BTN1A1: variants seen among roughly 807,000 people sequenced by gnomAD.
BTN1A1 encodes the protein butyrophilin subfamily 1 member A1.
Under a neutral mutation model 33.1 loss-of-function variants are expected in BTN1A1, and 26 were observed. The observed-to-expected ratio is 0.79, with a 90% CI of 0.58 to 1.09. BTN1A1 has a LOEUF of 1.09. BTN1A1 is among the 50% of genes least tolerant of loss of function. The pLI is 0.00. For synonymous variants in BTN1A1, 235 were observed against 256.2 expected (o/e 0.92, Z 0.79); for missense variants, 558 against 655.7 (o/e 0.85, Z 1.63).
rs1225476330 is a variant in BTN1A1, at chr6:26,501,564, G to A, written c.80-26G>A. ...TCCGTAGTTCCCATCTCCACATCCC[G>A]TCTGATCCCGCTCGTTTTTCGGCAG... On this transcript the variant is annotated intron_variant, in intron 2 of 7. Transcript: ENST00000684113. The surrounding 1 kb of genome is among the most constrained non-coding windows in gnomAD (Gnocchi z 5.2). The A allele has an allele frequency of 1.2e-6, 2 of 1,610,836 alleles. No homozygotes were observed. Among genetic ancestry groups the A allele is most frequent in the South Asian group, 1.1e-5 (1 of 90,940 alleles).
Position 26,501,296 on chromosome 6 carries a change from T to C in BTN1A1, c.10T>C (p.Phe4Leu), listed in dbSNP as rs1255727546. 1 of 1,614,098 alleles carries C rather than the reference T, an allele frequency of 6.2e-7. No homozygotes were observed. Among genetic ancestry groups the C allele is most frequent in the Non-Finnish European group, 8.5e-7 (1 of 1,179,990 alleles). Residue 4 changes from phenylalanine (F) to leucine (L), a missense_variant, in exon 2 of 8, where the codon TTC becomes CTC. By Grantham distance (22) the Phe-to-Leu change is conservative (BLOSUM62 0). Coordinates refer to ENST00000684113, the MANE Select transcript of BTN1A1 (RefSeq NM_001732.3). The surrounding 1 kb of genome is among the most constrained non-coding windows in gnomAD (Gnocchi z 5.2). ...TCCAGAAGGGTGGGAGATGGCAGTT[T>C]TCCCAAGCTCCGGTCTCCCCAGATG... is the stretch of plus-strand genomic sequence containing the variant. MAVFPSSGLPRCLL... is the reference protein window; with the variant it reads MAVLPSSGLPRCLL...
chr6:26,502,057 C>T (rs1763808333), intron 3 of BTN1A1, 120 bp downstream of exon 3: 1 of 1,325,592 alleles, frequency 7.5e-7, no homozygotes, highest in Non-Finnish European at 9.7e-7. Flanking sequence ...TTGATGTCGC[C>T]GGGGAGGGAC....
chr6:26,503,581 A>G (rs1763830592), intron 3 of BTN1A1, among the ~76,000 whole-genome samples: 2 of 150,968 alleles, frequency 1.3e-5, no homozygotes, highest in Admixed American at 6.6e-5. Flanking sequence ...ACTGATCTAA[A>G]ACATATAATA....
chr6:26,505,199 C>T lies in BTN1A1; in HGVS notation c.702C>T (p.Ser234=), dbSNP rs1173863689. The T allele has an allele frequency of 2.5e-6, 4 of 1,613,080 alleles. No homozygotes were observed. Among genetic ancestry groups the T allele is most frequent in the South Asian group, 2.2e-5 (2 of 91,050 alleles). The part of the protein sequence containing the change: ...LLGQEKKVEI[S]IPASSLPRLT... Reference sequence around the variant, plus strand: ...GCCAGGAGAAGAAAGTAGAAATATCCATACCAGGTTAGTGGAACCAATGCT... The same window carrying T: ...GCCAGGAGAAGAAAGTAGAAATATCTATACCAGGTTAGTGGAACCAATGCT... Residue 234 remains serine, a synonymous_variant, in exon 4 of 8, where the codon TCC becomes TCT. Transcript: ENST00000684113.
In BTN1A1 at chr6:26,509,880, T is replaced by C. The variant is rs1239041567; in HGVS notation, c.*706T>C. The C allele has an allele frequency of 6.6e-6, 1 of 152,274 alleles. No individual in the cohort carries two copies. The highest frequency in any genetic ancestry group is 1.5e-5 in the Non-Finnish European group (1 of 68,062). The allele number at this position is 152,274 out of a possible 1,614,324, so 9.4% of individuals were successfully genotyped here. The stretch of plus-strand genomic sequence containing the variant: ...TTTTTGACAAAACTCAAAAGTTGTT[T>C]GCACAGCTGTTCTTTGTACCCTGTT... On this transcript the variant is annotated 3_prime_UTR_variant, in exon 8 of 8. Transcript: ENST00000684113.
At chr6:26,507,534 T>C (rs1763886548) in intron 5 of BTN1A1, among the ~76,000 whole-genome samples, 1 of 152,086 alleles carries the variant, frequency 6.6e-6, no homozygotes, top group South Asian at 2.1e-4. Flanking sequence ...AAGACCAGAC[T>C]GGACAACATG....
At chr6:26,508,223 C>T in intron 7 of BTN1A1, 136 bp downstream of exon 7, 3 of 1,204,024 alleles carry the variant, frequency 2.5e-6, no homozygotes, top group Non-Finnish European at 3.5e-6. Flanking sequence ...CAGATGGCCT[C>T]AACAGTTTCT....
Position 26,508,490 on chromosome 6 carries a change from T to C in BTN1A1, c.908-11T>C, listed in dbSNP as rs1040065853. 2 of 1,604,030 alleles carry C rather than the reference T, an allele frequency of 1.2e-6. No homozygotes were observed. Among genetic ancestry groups the C allele is most frequent in the African/African-American group, 2.7e-5 (2 of 74,652 alleles). ...TCACTGATGTCAGACCTGCTGTTTC[T>C]TTCTCTCCAGTTGATGTGACTCTGG... is the stretch of plus-strand genomic sequence containing the variant. On this transcript the variant is annotated splice_polypyrimidine_tract_variant and intron_variant, in intron 7 of 7. Transcript: ENST00000684113.
rs138558073 is a variant in BTN1A1, at chr6:26,503,997, A to C, written c.428-928A>C. 3.3e-3 allele frequency among the ~76,000 whole-genome samples: 497 copies of C among 152,306 alleles called. 2 individuals carry two copies. Among genetic ancestry groups the C allele is most frequent in the Non-Finnish European group, 5.5e-3 (376 of 68,020 alleles). On this transcript the variant is annotated intron_variant, in intron 3 of 7. Coordinates refer to ENST00000684113, the MANE Select transcript of BTN1A1 (RefSeq NM_001732.3). ...ACCAGTGGTTGTGGAAATGTGTTTA[A>C]GAGCTCTTTTATGCAGCTCAGTGTT... is the stretch of plus-strand genomic sequence containing the variant.
At chr6:26,504,218 C>T (rs950106987) in intron 3 of BTN1A1, among the ~76,000 whole-genome samples, 4 of 152,150 alleles carry the variant, frequency 2.6e-5, no homozygotes, top group African/African-American at 9.7e-5. Context: ...AATCGCCAAT[C>T]CTCTCCTCAA....
Position 26,509,252 on chromosome 6 carries a change from T to G in BTN1A1, c.*78T>G. On this transcript the variant is annotated 3_prime_UTR_variant, in exon 8 of 8. Transcript: ENST00000684113. Reference sequence around the variant, plus strand: ...CCTTCTGAGGCTTCACCTGCTAGCTTTACCCAGTCTGTTTCTTCCTGTTGG... The same window carrying G: ...CCTTCTGAGGCTTCACCTGCTAGCTGTACCCAGTCTGTTTCTTCCTGTTGG... 1 of 1,307,784 alleles carries G rather than the reference T, an allele frequency of 7.6e-7. No homozygotes were observed. The highest frequency in any genetic ancestry group is 1.1e-6 in the Non-Finnish European group (1 of 947,336). 81.0% of individuals were successfully genotyped at this position (1,307,784 alleles called of 1,614,324 possible). A position where few individuals can be genotyped will look rare whatever the true frequency, so the allele number is the denominator to read the frequency against.
At chr6:26,507,120 C>A (rs1217459293) in intron 5 of BTN1A1, among the ~76,000 whole-genome samples, 2 of 152,152 alleles carry the variant, frequency 1.3e-5, no homozygotes, top group Admixed American at 1.3e-4. Context: ...ACTCGGGAGG[C>A]TGAGGCAGGA....
intron 5 of BTN1A1, among the ~76,000 whole-genome samples, chr6:26,507,228 G>C (rs958655905): frequency 3.9e-5 from 6 of 152,076 alleles, no homozygotes; most frequent in Admixed American, 3.3e-4. Flanking sequence ...CTCAAAAAAA[G>C]TAGAAGATAC....
intron 4 of BTN1A1, among the ~76,000 whole-genome samples, chr6:26,505,753 T>C (rs1284416930): frequency 5.9e-5 from 9 of 151,932 alleles, no homozygotes; most frequent in Non-Finnish European, 2.9e-5. Flanking sequence ...TTTCAGGAGA[T>C]CTAAGTGAGA....
intron 3 of BTN1A1, among the ~76,000 whole-genome samples, chr6:26,503,288 C>T (rs1763827202): frequency 1.3e-5 from 2 of 151,892 alleles, no homozygotes; most frequent in African/African-American, 4.8e-5. Flanking sequence ...TATTCAAGAC[C>T]AGCCTGGCCA....
rs748632008 is a variant in BTN1A1, at chr6:26,501,614, C to T, written c.104C>T (p.Pro35Leu). ...GCTCCCTTTGACGTGATTGGACCCC[C>T]GGAGCCCATCCTGGCCGTTGTGGGT... ...DSAPFDVIGP[P>L]EPILAVVGED... Residue 35 changes from proline (P) to leucine (L), a missense_variant, in exon 3 of 8, where the codon CCG becomes CTG. By Grantham distance (98) the Pro-to-Leu change is moderately conservative. Coordinates refer to ENST00000684113, the MANE Select transcript of BTN1A1 (RefSeq NM_001732.3). This position sits in a 1 kb window ranked among gnomAD's most constrained non-coding sequence, Gnocchi z 5.2. 3.1e-6 allele frequency: 5 copies of T among 1,613,810 alleles called. No homozygotes were observed. The South Asian group carries it at 4.4e-5, about 14-fold the overall frequency.
At position 26,505,288 on chromosome 6, in the gene BTN1A1, C is replaced by T. The variant is rs532471413; in HGVS notation, c.709+82C>T. The T allele has an allele frequency of 5.7e-6, 8 of 1,403,014 alleles. No homozygotes were observed. In the South Asian group the frequency reaches 6.4e-5, roughly 11 times the overall value. The allele number at this position is 1,403,014 out of a possible 1,614,324, so 86.9% of individuals were successfully genotyped here. ...ACCTGGGACACCTGCCCAGATGTGA[C>T]CTCATGGCAGAGTTGTCTACTTTCC... On this transcript the variant is annotated intron_variant, in intron 4 of 7. Coordinates refer to ENST00000684113, the MANE Select transcript of BTN1A1 (RefSeq NM_001732.3).
chr6:26,501,898 G>A lies in BTN1A1; in HGVS notation c.388G>A (p.Gly130Arg). Reference protein sequence around the residue: ...GEYTCFFREDGSYEEALVHLK... With the variant: ...GEYTCFFREDRSYEEALVHLK... ...GTACACGTGCTTTTTCAGGGAGGATGGAAGCTACGAAGAAGCCCTGGTGCA... is the reference window on the plus strand; with the variant it reads ...GTACACGTGCTTTTTCAGGGAGGATAGAAGCTACGAAGAAGCCCTGGTGCA... The change falls in exon 3 of 8, where the codon GGA (glycine) becomes AGA (arginine). Residue 130 changes from glycine (G) to arginine (R), a missense_variant. Physicochemically the swap from Gly to Arg is moderately radical, Grantham distance 125. Transcript: ENST00000684113. This position sits in a 1 kb window ranked among gnomAD's most constrained non-coding sequence, Gnocchi z 5.2. 1.3e-6 allele frequency: 2 copies of A among 1,596,354 alleles called. No individual in the cohort carries two copies. Among genetic ancestry groups the A allele is most frequent in the Middle Eastern group, 1.7e-4 (1 of 5,988 alleles).
At chr6:26,507,146 A>C (rs887101708) in intron 5 of BTN1A1, among the ~76,000 whole-genome samples, 3 of 151,880 alleles carry the variant, frequency 2.0e-5, no homozygotes, top group Non-Finnish European at 4.4e-5. Context: ...GCTTGAACCC[A>C]GGAGGTGGAG....
Sources: allele counts gnomAD v4.1 joint callset (sites outside exome capture counted in the v4.1 genomes callset), GRCh38; gene constraint gnomAD v4.1.1; non-coding constraint Gnocchi (gnomAD v3.1); transcripts MANE v1.5; gene names NCBI Gene and HGNC (gene_info 2026-07-23, HGNC 2026-07-21).